NSD3: variants seen among roughly 807,000 people sequenced by gnomAD.
NSD3 encodes nuclear receptor binding SET domain protein 3.
A neutral mutation model predicts 160.8 loss-of-function variants in NSD3; 24 were observed. The ratio of observed to expected loss-of-function variants is 0.15; its 90% CI spans 0.11 to 0.21. NSD3 has a LOEUF of 0.21. Ranked by LOEUF, NSD3 falls within the 10% of genes least tolerant of loss-of-function variation. The pLI, the probability that NSD3 is intolerant of heterozygous loss-of-function variation, is 1.00. For missense variants in NSD3, 1,157 were observed against 1,735.9 expected (o/e 0.67, Z 5.93); for synonymous variants, 520 against 600.0 (o/e 0.87, Z 1.95).
intron 1 of NSD3, among the ~76,000 whole-genome samples, chr8:38,375,005 A>C: frequency 6.6e-6 from 1 of 151,760 alleles, no homozygotes; most frequent in Non-Finnish European, 1.5e-5. Context: ...CTCTGTCTCG[A>C]AAAAAAAATT....
chr8:38,277,371 A>G lies in NSD3; in HGVS notation c.3868-871T>C, dbSNP rs201480570. Among the ~76,000 whole-genome samples, 34 of 152,254 alleles carry G rather than the reference A, an allele frequency of 2.2e-4. No homozygotes were observed. In the East Asian group the frequency reaches 6.2e-3, roughly 28 times the overall value. ...TGGCTCACTGCAACCTCTGCCTCCC[A>G]GTTTCAAGCGATTCTTCTGCCTCAG... On this transcript the variant is annotated intron_variant, in intron 22 of 23. Transcript: ENST00000317025.
chr8:38,342,703 T>G (rs28460372), intron 2 of NSD3, among the ~76,000 whole-genome samples: 33,732 of 151,078 alleles, frequency 0.22, 3,982 homozygotes, highest in East Asian at 0.31. Flanking sequence ...AAGTAGCTGG[T>G]ATTACAGGCA....
At chr8:38,367,250 C>T (rs1811125985) in intron 1 of NSD3, among the ~76,000 whole-genome samples, 1 of 152,074 alleles carries the variant, frequency 6.6e-6, no homozygotes, top group Admixed American at 6.6e-5. Context: ...CAGACAGTAT[C>T]TTTGGGTTTT....
rs1166963834 is a variant in NSD3, at chr8:38,318,975, AT to A, written c.1810-36del. 13 of 1,575,910 alleles carry A rather than the reference AT, an allele frequency of 8.2e-6. No individual in the cohort carries two copies. Among genetic ancestry groups the A allele is most frequent in the Admixed American group, 1.9e-5 (1 of 51,580 alleles). ...CAGAAAAATACAGCATTAACAAAGA[AT>A]TTTTTTCCCTTTTAATTATTAACAG... On this transcript the variant is annotated intron_variant, in intron 8 of 23. Transcript: ENST00000317025. The surrounding 1 kb of genome is among the most constrained non-coding windows in gnomAD (Gnocchi z 5.3).
intron 22 of NSD3, among the ~76,000 whole-genome samples, chr8:38,276,842 G>A (rs1157342025): frequency 6.6e-6 from 1 of 151,978 alleles, no homozygotes; most frequent in Non-Finnish European, 1.5e-5. Context: ...ATGTCATCAT[G>A]CCTGGCTAAT....
At chr8:38,290,806 T>C in intron 16 of NSD3, 129 bp from the exon 17 acceptor site, 2 of 765,004 alleles carry the variant, frequency 2.6e-6, no homozygotes, top group East Asian at 2.7e-5. Context: ...GAACATAAAA[T>C]ACCACACATC....
In NSD3 at chr8:38,307,052, C is replaced by G. The variant is rs1463145180; in HGVS notation, c.2243-1607G>C. ...ATGGCGTCAACCCGGGAGGTGGAAC[C>G]TGCAGTGAGCCGAAATCGCGCCACC... On this transcript the variant is annotated intron_variant, in intron 12 of 23. Coordinates refer to ENST00000317025, the MANE Select transcript of NSD3 (RefSeq NM_023034.2). 2.0e-5 allele frequency among the ~76,000 whole-genome samples: 3 copies of G among 149,884 alleles called. No homozygotes were observed. The East Asian group carries it at 5.9e-4, about 29-fold the overall frequency.
chr8:38,279,212 C>G (rs575296033), intron 21 of NSD3, among the ~76,000 whole-genome samples: 2 of 152,318 alleles, frequency 1.3e-5, no homozygotes, highest in African/African-American at 4.8e-5. Flanking sequence ...AAAACAACAG[C>G]TAAAACATCT....
chr8:38,296,346 T>TAAGA (rs1170442316), intron 15 of NSD3, among the ~76,000 whole-genome samples: 1 of 152,188 alleles, frequency 6.6e-6, no homozygotes, highest in Non-Finnish European at 1.5e-5. Flanking sequence ...CCTTCAGAGG[T>TAAGA]AAGAAAGAAA....
At position 38,316,920 on chromosome 8, in the gene NSD3, C is replaced by T; in HGVS notation, c.1856-878G>A. ...AGTATAGGCTATACAGAAACAGCCA[C>T]GATGAAATGTGCAGATCAGGCACGG... On this transcript the variant is annotated intron_variant, in intron 9 of 23. Coordinates refer to ENST00000317025, the MANE Select transcript of NSD3 (RefSeq NM_023034.2). This position sits in a 1 kb window ranked among gnomAD's most constrained non-coding sequence, Gnocchi z 4.5. 1.9e-6 allele frequency: 2 copies of T among 1,062,170 alleles called. No individual in the cohort carries two copies. Among genetic ancestry groups the T allele is most frequent in the Non-Finnish European group, 1.1e-6 (1 of 877,168 alleles). 65.8% of individuals were successfully genotyped at this position (1,062,170 alleles called of 1,614,324 possible).
intron 5 of NSD3, 108 bp from the exon 6 acceptor site, chr8:38,330,001 T>A (rs1259181245): frequency 8.4e-6 from 11 of 1,315,726 alleles, no homozygotes; most frequent in Admixed American, 2.4e-5. Context: ...TACATAAATA[T>A]CTTCAGGTTC....
Position 38,305,438 on chromosome 8 carries a change from G to T in NSD3, c.2250C>A (p.His750Gln). Reference sequence around the variant, plus strand: ...CAGACACTTTACACGAAAAACATGGGTGCTGCCCTGGAAAATTGGTGAGGA... The same window carrying T: ...CAGACACTTTACACGAAAAACATGGTTGCTGCCCTGGAAAATTGGTGAGGA... ...FICMECKTGQ[H>Q]PCFSCKVSGK... The change falls in exon 13 of 24, where the codon CAC becomes CAA. Residue 750 changes from histidine to glutamine, a missense_variant. Physicochemically the swap from His to Gln is conservative, Grantham distance 24. This residue lies in a region of NSD3 where 437 missense variants were observed against 576.6 expected (regional missense o/e 0.76). Coordinates refer to ENST00000317025, the MANE Select transcript of NSD3 (RefSeq NM_023034.2). The T allele has an allele frequency of 1.2e-6, 2 of 1,613,898 alleles. No individual in the cohort carries two copies. Among genetic ancestry groups the T allele is most frequent in the Non-Finnish European group, 8.5e-7 (1 of 1,179,912 alleles).
At chr8:38,289,907 T>G (rs1007313792) in intron 17 of NSD3, among the ~76,000 whole-genome samples, 19 of 152,308 alleles carry the variant, frequency 1.2e-4, no homozygotes, top group African/African-American at 4.6e-4. Flanking sequence ...GCAAAGGAAC[T>G]TCACTTGATT....
At chr8:38,349,992 A>C (rs1218233355) in intron 1 of NSD3, among the ~76,000 whole-genome samples, 1 of 152,052 alleles carries the variant, frequency 6.6e-6, no homozygotes, top group Non-Finnish European at 1.5e-5. Context: ...AGCTTCATCC[A>C]TGTCCCTACA....
chr8:38,328,573 T>C (rs904619285), intron 6 of NSD3, among the ~76,000 whole-genome samples: 1 of 152,190 alleles, frequency 6.6e-6, no homozygotes, highest in Non-Finnish European at 1.5e-5. Context: ...CATTCCCCTG[T>C]TTAACTAATT....
chr8:38,377,743 C>T (rs1811429753), intron 1 of NSD3, among the ~76,000 whole-genome samples: 1 of 151,844 alleles, frequency 6.6e-6, no homozygotes, highest in African/African-American at 2.4e-5. Flanking sequence ...GCTTGTAATC[C>T]CAGCACTTTG....
At chr8:38,299,409 A>G (rs1187138089) in intron 15 of NSD3, 35 bp downstream of exon 15, 1 of 1,593,154 alleles carries the variant, frequency 6.3e-7, no homozygotes, top group Non-Finnish European at 8.5e-7. Flanking sequence ...AGGAAATGCA[A>G]AAATAAAAGC....
chr8:38,287,177 C>A (rs966341967), intron 19 of NSD3, among the ~76,000 whole-genome samples: 1 of 152,062 alleles, frequency 6.6e-6, no homozygotes, highest in African/African-American at 2.4e-5. Flanking sequence ...GGTGGATGAC[C>A]AAGAACATTC....
intron 1 of NSD3, among the ~76,000 whole-genome samples, chr8:38,369,709 G>A (rs995202568): frequency 4.6e-5 from 7 of 152,168 alleles, no homozygotes; most frequent in Non-Finnish European, 7.4e-5. Context: ...GATCTTCAGT[G>A]GTAAAGTGAA....
Sources: gnomAD v4.1 joint callset for allele counts (sites outside exome capture counted in the v4.1 genomes callset) on GRCh38, gnomAD v4.1.1 for gene constraint, gnomAD v4.1.1 regional missense constraint, Gnocchi (gnomAD v3.1) non-coding constraint, MANE v1.5 for transcripts, NCBI Gene and HGNC (gene_info 2026-07-23, HGNC 2026-07-21) for gene names.